Variants in CHRM3 observed in about 807,000 individuals in gnomAD.
CHRM3 encodes the protein muscarinic acetylcholine receptor M3.
In CHRM3, 11 loss-of-function variants were observed where a neutral mutation model predicts 41.8. That is an observed-to-expected ratio of 0.26 (90% CI 0.17 to 0.44). The LOEUF (loss-of-function observed/expected upper bound fraction) is 0.44. Ranked by LOEUF, CHRM3 falls within the 20% of genes least tolerant of loss-of-function variation. The pLI is 1.00. For synonymous variants in CHRM3, 297 were observed against 301.4 expected (o/e 0.99, Z 0.15); for missense variants, 571 against 745.4 (o/e 0.77, Z 2.72).
intron 5 of CHRM3, among the ~76,000 whole-genome samples, chr1:239,781,686 C>T (rs1422331668): frequency 1.3e-5 from 2 of 152,052 alleles, no homozygotes; most frequent in Non-Finnish European, 2.9e-5. Context: ...GACATCCTTG[C>T]CTTGTACATG....
At chr1:239,894,219 G>A (rs1157956147) in intron 6 of CHRM3, among the ~76,000 whole-genome samples, 1 of 152,170 alleles carries the variant, frequency 6.6e-6, no homozygotes, top group African/African-American at 2.4e-5. Flanking sequence ...AAGGAAAAAA[G>A]CTTTTGATAT....
intron 5 of CHRM3, chr1:239,703,450 C>A (rs1212922132): frequency 6.6e-6 from 1 of 152,130 alleles, no homozygotes; most frequent in Non-Finnish European, 1.5e-5. Context: ...TCAAGAAATT[C>A]ATGAAGGCAA....
intron 3 of CHRM3, among the ~76,000 whole-genome samples, chr1:239,569,928 C>T (rs1661680863): frequency 2.0e-5 from 3 of 152,148 alleles, no homozygotes; most frequent in Non-Finnish European, 4.4e-5. Context: ...ATTGATATAA[C>T]TGAATTCTGA....
chr1:239,516,663 C>G (rs1669293258), intron 2 of CHRM3, among the ~76,000 whole-genome samples: 1 of 152,168 alleles, frequency 6.6e-6, no homozygotes, highest in Non-Finnish European at 1.5e-5. Context: ...AAGATTAATG[C>G]AGGGCCCCCT....
At chr1:239,669,288 T>C (rs1233221181) in intron 4 of CHRM3, among the ~76,000 whole-genome samples, 1 of 152,222 alleles carries the variant, frequency 6.6e-6, no homozygotes, top group African/African-American at 2.4e-5. Context: ...TCTTTGTCTT[T>C]GTTATGTGAA....
rs374479816 is a variant in CHRM3, at chr1:239,580,258, T to TCA, written c.-313+34558_-313+34559dup. ...TGTACTACCTGGAAAATACACACTG[T>TCA]CACACACACACACACACACACACAC... On this transcript the variant is annotated intron_variant, in intron 3 of 6. Transcript: ENST00000676153. Among the ~76,000 whole-genome samples, 930 of 132,760 alleles carry TCA rather than the reference T, an allele frequency of 7.0e-3. 5 individuals carry two copies. Among genetic ancestry groups the TCA allele is most frequent in the African/African-American group, 9.5e-3 (340 of 35,798 alleles). 87.1% of individuals were successfully genotyped at this position (132,760 alleles called of 152,430 possible).
Position 239,908,500 on chromosome 1 carries a change from C to T in CHRM3, c.1049C>T (p.Ala350Val). ...GCTGCTGCCTCCCTGGAGAACTCCG[C>T]CTCCTCCGACGAGGAGGACATTGGC... ...NDAAASLENS[A>V]SSDEEDIGSE... The change falls in exon 7 of 7, where the codon GCC becomes GTC. Residue 350 changes from alanine (A) to valine (V), a missense_variant. By Grantham distance (64) the Ala-to-Val change is moderately conservative (BLOSUM62 0). Transcript: ENST00000676153. The surrounding 1 kb of genome is among the most constrained non-coding windows in gnomAD (Gnocchi z 7.2). 1.2e-6 allele frequency: 2 copies of T among 1,603,100 alleles called. No individual in the cohort carries two copies. The highest frequency in any genetic ancestry group is 1.1e-5 in the South Asian group (1 of 89,704).
chr1:239,718,140 A>AGGATTGAAATGCTTTAAT (rs1408983852), intron 5 of CHRM3, among the ~76,000 whole-genome samples: 4 of 152,090 alleles, frequency 2.6e-5, no homozygotes, highest in African/African-American at 4.8e-5. Flanking sequence ...CAGCTGCTAC[A>AGGATTGAAATGCTTTAAT]CAGACACACT....
At position 239,909,926 on chromosome 1, in the gene CHRM3, C is replaced by T. The variant is rs4072234; in HGVS notation, c.*702C>T. On this transcript the variant is annotated 3_prime_UTR_variant, in exon 7 of 7. Coordinates refer to ENST00000676153, the MANE Select transcript of CHRM3 (RefSeq NM_001375978.1). ...CTGAACTGGCAAATTATTCCTGCAA[C>T]ATACGCTTTCAGTACTTTGGTAACT... 0.55 allele frequency: 91,790 copies of T among 166,862 alleles called. 27,164 individuals are homozygous for T. The highest frequency in any genetic ancestry group is 0.79 in the African/African-American group (32,779 of 41,438). The allele number at this position is 166,862 out of a possible 1,614,324, so 10.3% of individuals were successfully genotyped here.
chr1:239,608,463 G>A (rs1029226503), intron 3 of CHRM3, among the ~76,000 whole-genome samples: 3 of 152,108 alleles, frequency 2.0e-5, no homozygotes, highest in Non-Finnish European at 4.4e-5. Flanking sequence ...TTGTTTGCAA[G>A]GATATTTCCT....
chr1:239,414,216 C>G (rs1661324975), intron 1 of CHRM3, among the ~76,000 whole-genome samples: 1 of 152,128 alleles, frequency 6.6e-6, no homozygotes. Context: ...CCTTTGCTAT[C>G]TTTCTATTCA....
At chr1:239,852,115 C>T (rs1170866700) in intron 6 of CHRM3, among the ~76,000 whole-genome samples, 1 of 152,106 alleles carries the variant, frequency 6.6e-6, no homozygotes, top group Non-Finnish European at 1.5e-5. Context: ...CCAATAAACT[C>T]TCTTCTATTT....
chr1:239,587,604 C>A (rs1663563554), intron 3 of CHRM3, among the ~76,000 whole-genome samples: 2 of 152,160 alleles, frequency 1.3e-5, no homozygotes, highest in African/African-American at 4.8e-5. Flanking sequence ...CAAAACTGAT[C>A]AAATTACCGG....
chr1:239,590,277 T>G (rs780936275), intron 3 of CHRM3, among the ~76,000 whole-genome samples: 8 of 152,232 alleles, frequency 5.3e-5, no homozygotes, highest in Non-Finnish European at 1.0e-4. Context: ...ATTTATTCAG[T>G]GATTTAAATC....
At chr1:239,809,326 G>A (rs910476603) in intron 5 of CHRM3, among the ~76,000 whole-genome samples, 2 of 151,720 alleles carry the variant, frequency 1.3e-5, no homozygotes, top group African/African-American at 4.8e-5. Flanking sequence ...GGCCTCTGAA[G>A]TCTATTTTTA....
At chr1:239,678,100 C>A (rs1218200658) in intron 4 of CHRM3, 86 bp from the exon 5 acceptor site, 3 of 152,182 alleles carry the variant, frequency 2.0e-5, no homozygotes, top group African/African-American at 7.2e-5. Flanking sequence ...AATTAATATT[C>A]CATCTCACAA....
In CHRM3 at chr1:239,448,859, A is replaced by G. The variant is rs1312547860; in HGVS notation, c.-520-43850A>G. Among the ~76,000 whole-genome samples, 4 of 152,206 alleles carry G rather than the reference A, an allele frequency of 2.6e-5. No individual in the cohort carries two copies. The East Asian group carries it at 7.7e-4, about 29-fold the overall frequency. ...ACAGAGACTAGACAATGAGCTAGATACAGAAACTTTAGACCAAAACTCTTC... is the reference window on the plus strand; with the variant it reads ...ACAGAGACTAGACAATGAGCTAGATGCAGAAACTTTAGACCAAAACTCTTC... On this transcript the variant is annotated intron_variant, in intron 1 of 6. Coordinates refer to ENST00000676153, the MANE Select transcript of CHRM3 (RefSeq NM_001375978.1).
At chr1:239,894,039 A>G (rs894561892) in intron 6 of CHRM3, among the ~76,000 whole-genome samples, 1 of 152,140 alleles carries the variant, frequency 6.6e-6, no homozygotes, top group African/African-American at 2.4e-5. Flanking sequence ...AGGAATCACA[A>G]TGACTGTCTT....
chr1:239,437,445 T>A, intron 1 of CHRM3, among the ~76,000 whole-genome samples: 1 of 152,236 alleles, frequency 6.6e-6, no homozygotes, highest in East Asian at 1.9e-4. Context: ...TCTAAAATTC[T>A]GCCACTCTCT....
Sources: allele counts gnomAD v4.1 joint callset (sites outside exome capture counted in the v4.1 genomes callset), GRCh38; gene constraint gnomAD v4.1.1; non-coding constraint Gnocchi (gnomAD v3.1); transcripts MANE v1.5; gene names NCBI Gene and HGNC (gene_info 2026-07-23, HGNC 2026-07-21).